The following SPAG16 variants were observed in gnomAD, a reference collection of about 807,000 sequenced individuals.
The protein encoded by SPAG16 is sperm-associated antigen 16 protein.
In SPAG16, 86 loss-of-function variants were observed where a neutral mutation model predicts 80.4. That is an observed-to-expected ratio of 1.07 (90% CI 0.90 to 1.28). The LOEUF (loss-of-function observed/expected upper bound fraction) is 1.28. Among genes scored for constraint, SPAG16 ranks in the 50% most tolerant of loss-of-function variants. SPAG16 has a pLI of 0.00. For synonymous variants in SPAG16, 294 were observed against 265.9 expected (o/e 1.11, Z -1.03); for missense variants, 870 against 765.3 (o/e 1.14, Z -1.61).
chr2:213,541,175 G>A (rs573798645), intron 10 of SPAG16, among the ~76,000 whole-genome samples: 7 of 152,300 alleles, frequency 4.6e-5, no homozygotes, highest in East Asian at 3.9e-4. Context: ...ATGAGGAAAC[G>A]GAGGTCTGAG....
At chr2:213,646,912 G>T (rs2125132915) in intron 10 of SPAG16, among the ~76,000 whole-genome samples, 1 of 152,078 alleles carries the variant, frequency 6.6e-6, no homozygotes, top group Admixed American at 6.5e-5. Flanking sequence ...TCCACAAAAT[G>T]AATATACCAC....
At chr2:213,576,815 G>A (rs1211460552) in intron 10 of SPAG16, among the ~76,000 whole-genome samples, 1 of 152,074 alleles carries the variant, frequency 6.6e-6, no homozygotes, top group Non-Finnish European at 1.5e-5. Context: ...ACATAGAGGG[G>A]AACAAAACAC....
At chr2:213,646,585 G>C (rs1033285330) in intron 10 of SPAG16, among the ~76,000 whole-genome samples, 1 of 152,042 alleles carries the variant, frequency 6.6e-6, no homozygotes, top group Non-Finnish European at 1.5e-5. Context: ...AAATTCATTT[G>C]ATTGGAAAAA....
At chr2:213,605,886 A>G (rs1192586100) in intron 10 of SPAG16, among the ~76,000 whole-genome samples, 1 of 152,242 alleles carries the variant, frequency 6.6e-6, no homozygotes, top group East Asian at 1.9e-4. Context: ...TTACATATGT[A>G]TACAATTATA....
In SPAG16 at chr2:213,628,282, A is replaced by G. The variant is rs552465805; in HGVS notation, c.1070+138192A>G. ...AAGATGCACATGTTTCCAGTTTCAC[A>G]AATAGTACCAAGACCTAAATGAAGC... On this transcript the variant is annotated intron_variant, in intron 10 of 15. Coordinates refer to ENST00000331683, the MANE Select transcript of SPAG16 (RefSeq NM_024532.5). 2.0e-5 allele frequency among the ~76,000 whole-genome samples: 3 copies of G among 152,352 alleles called. No homozygotes were observed. The South Asian group carries it at 6.2e-4, about 32-fold the overall frequency.
intron 13 of SPAG16, among the ~76,000 whole-genome samples, chr2:214,022,700 A>C (rs2047934454): frequency 8.7e-6 from 1 of 114,366 alleles, no homozygotes; most frequent in Non-Finnish European, 1.9e-5. Context: ...AAAAGAAGTG[A>C]AGGAGGGAAG....
At chr2:213,530,051 G>A (rs180987918) in intron 10 of SPAG16, among the ~76,000 whole-genome samples, 36 of 152,260 alleles carry the variant, frequency 2.4e-4, no homozygotes, top group Non-Finnish European at 1.5e-5. Context: ...AACAAGGATG[G>A]AGCTGTCATC....
intron 10 of SPAG16, among the ~76,000 whole-genome samples, chr2:213,692,180 C>T (rs916649049): frequency 6.6e-6 from 1 of 151,920 alleles, no homozygotes; most frequent in Non-Finnish European, 1.5e-5. Context: ...TTGATGAAAC[C>T]AATCATAATG....
At chr2:213,724,386 A>G (rs1407477740) in intron 10 of SPAG16, among the ~76,000 whole-genome samples, 4 of 152,128 alleles carry the variant, frequency 2.6e-5, no homozygotes, top group Non-Finnish European at 5.9e-5. Context: ...ATAAGACTAA[A>G]ATGTTACCCT....
At chr2:213,617,854 A>G (rs1253564181) in intron 10 of SPAG16, among the ~76,000 whole-genome samples, 2 of 152,040 alleles carry the variant, frequency 1.3e-5, no homozygotes, top group African/African-American at 4.8e-5. Flanking sequence ...TATGAACCCT[A>G]TTGACATCAA....
In SPAG16 at chr2:214,039,166, A is replaced by C. The variant is rs1054548492; in HGVS notation, c.1527+25089A>C. 1.2e-4 allele frequency among the ~76,000 whole-genome samples: 18 copies of C among 152,322 alleles called. No homozygotes were observed. In the East Asian group the frequency reaches 1.3e-3, roughly 11 times the overall value. ...TAGTTTACAGTCCCACCAACAGTGTAAAAGTGTTCCTATTTCTCCACATCC... is the reference window on the plus strand; with the variant it reads ...TAGTTTACAGTCCCACCAACAGTGTCAAAGTGTTCCTATTTCTCCACATCC... On this transcript the variant is annotated intron_variant, in intron 13 of 15. Transcript: ENST00000331683.
intron 13 of SPAG16, among the ~76,000 whole-genome samples, chr2:214,069,361 C>T (rs1037723438): frequency 9.9e-5 from 15 of 152,074 alleles, no homozygotes; most frequent in South Asian, 4.1e-4. Flanking sequence ...ATATTTCAAC[C>T]GGAGCGATGT....
chr2:214,087,673 T>A (rs1047539379), intron 13 of SPAG16, among the ~76,000 whole-genome samples: 1 of 152,120 alleles, frequency 6.6e-6, no homozygotes, highest in South Asian at 2.1e-4. Flanking sequence ...CTAATTCCTA[T>A]TCAACAGCAG....
chr2:213,556,770 C>G (rs1023940479), intron 10 of SPAG16, among the ~76,000 whole-genome samples: 18 of 152,142 alleles, frequency 1.2e-4, no homozygotes, highest in South Asian at 2.1e-4. Context: ...GCAAACCATT[C>G]CATCCAACAG....
chr2:214,232,496 A>C (rs888988898), intron 15 of SPAG16, among the ~76,000 whole-genome samples: 8 of 152,006 alleles, frequency 5.3e-5, no homozygotes, highest in African/African-American at 1.9e-4. Context: ...ACTTTGGAGA[A>C]TATTTCAGAT....
chr2:213,450,484 C>T (rs2071619444), intron 9 of SPAG16, among the ~76,000 whole-genome samples: 2 of 152,106 alleles, frequency 1.3e-5, no homozygotes, highest in African/African-American at 4.8e-5. Flanking sequence ...TTTAGGTGTG[C>T]ACATATTCAT....
In SPAG16 at chr2:213,516,232, G is replaced by T. The variant is rs183800197; in HGVS notation, c.1070+26142G>T. 7.2e-4 allele frequency among the ~76,000 whole-genome samples: 110 copies of T among 152,200 alleles called. 1 individual carries two copies. The highest frequency in any genetic ancestry group is 1.9e-4 in the Non-Finnish European group (13 of 67,990). ...AAATTACACTCTAGAATTCACATCA[G>T]CTGTGGAAATTTATACTTACTTCTT... On this transcript the variant is annotated intron_variant, in intron 10 of 15. Coordinates refer to ENST00000331683, the MANE Select transcript of SPAG16 (RefSeq NM_024532.5).
At chr2:214,077,221 CTG>C (rs1277093980) in intron 13 of SPAG16, among the ~76,000 whole-genome samples, 3 of 152,180 alleles carry the variant, frequency 2.0e-5, no homozygotes, top group Non-Finnish European at 4.4e-5. Context: ...AAGAATATAA[CTG>C]TACCTTGTGA....
At chr2:213,742,820 C>T (rs2067630766) in intron 10 of SPAG16, among the ~76,000 whole-genome samples, 1 of 152,128 alleles carries the variant, frequency 6.6e-6, no homozygotes, top group South Asian at 2.1e-4. Context: ...TCCAAGTAAT[C>T]CTGAGTAGCT....
Sources: allele counts gnomAD v4.1 joint callset (sites outside exome capture counted in the v4.1 genomes callset), GRCh38; gene constraint gnomAD v4.1.1; transcripts MANE v1.5; gene names NCBI Gene and HGNC (gene_info 2026-07-23, HGNC 2026-07-21).